Variants in FAM13B observed in about 807,000 individuals in gnomAD.
The protein encoded by FAM13B is protein FAM13B.
FAM13B carries 60 observed loss-of-function variants against 117.3 expected under a neutral mutation model. The ratio of observed to expected loss-of-function variants is 0.51; its 90% CI spans 0.42 to 0.63. The LOEUF (loss-of-function observed/expected upper bound fraction) is 0.63, where lower values mean the gene tolerates loss of function less well. FAM13B is among the 30% of genes least tolerant of loss of function. FAM13B has a pLI of 0.00. For synonymous variants in FAM13B, 332 were observed against 356.1 expected, an observed-to-expected ratio of 0.93 and a Z score of 0.76; for missense variants, 972 against 1,091.9, an observed-to-expected ratio of 0.89 and a Z score of 1.55.
intron 6 of FAM13B, among the ~76,000 whole-genome samples, chr5:138,009,271 A>G (rs747682369): frequency 1.3e-5 from 2 of 152,228 alleles, no homozygotes; most frequent in Non-Finnish European, 2.9e-5. Flanking sequence ...CATCATGTAT[A>G]ATGCTAATGA....
At chr5:137,942,781 C>CATTTAATA in intron 22 of FAM13B, 94 bp downstream of exon 22, 2 of 1,032,682 alleles carry the variant, frequency 1.9e-6, no homozygotes, top group South Asian at 3.8e-5. Flanking sequence ...TGATTCATCT[C>CATTTAATA]CTATTAATTC....
At chr5:138,025,659 C>T (rs973146608) in intron 1 of FAM13B, among the ~76,000 whole-genome samples, 1 of 151,872 alleles carries the variant, frequency 6.6e-6, no homozygotes, top group African/African-American at 2.4e-5. Flanking sequence ...CCTTTTTCCC[C>T]CCATGGGCTG....
At chr5:137,975,882 A>G (rs1194182399) in intron 10 of FAM13B, among the ~76,000 whole-genome samples, 1 of 148,996 alleles carries the variant, frequency 6.7e-6, no homozygotes, top group Non-Finnish European at 1.5e-5. Context: ...TCCTACTGAC[A>G]TGCTCAAATC....
chr5:138,038,175 T>C (rs748499437), intron 1 of FAM13B, among the ~76,000 whole-genome samples: 9 of 152,126 alleles, frequency 5.9e-5, no homozygotes, highest in Non-Finnish European at 1.2e-4. Context: ...GTCTATCTAT[T>C]TGTAAATGAA....
rs554401074 is a variant in FAM13B, at chr5:138,049,794, A to G, written c.-203+2084T>C. ...CAAGAAAGCTTCCAAAACCTAAAGA[A>G]AAATTTCATTATTAGGGATCCAGAA... is the stretch of plus-strand genomic sequence containing the variant. On this transcript the variant is annotated intron_variant, in intron 1 of 3. Transcript: ENST00000502471. Among the ~76,000 whole-genome samples, 6 of 152,280 alleles carry G rather than the reference A, an allele frequency of 3.9e-5. No homozygotes were observed. The East Asian group carries it at 9.6e-4, about 24-fold the overall frequency.
chr5:137,959,748 T>C lies in FAM13B; in HGVS notation c.1309A>G (p.Ile437Val). The change falls in exon 13 of 24, where the codon ATA (isoleucine) becomes GTA (valine). Residue 437 changes from isoleucine (I) to valine (V), a missense_variant. Ile to Val is a conservative substitution (Grantham distance 29). Transcript: ENST00000689681. ...TCAGTGTTGGCATTCAAATCACATATCTTGCTACTAGAATCCTGTATTTTA... is the reference window on the plus strand; with the variant it reads ...TCAGTGTTGGCATTCAAATCACATACCTTGCTACTAGAATCCTGTATTTTA... ...SHLILDSSSK[I>V]CDLNANTESE... is the part of the protein sequence containing the mutation. 1.2e-6 allele frequency: 2 copies of C among 1,613,668 alleles called. No individual in the cohort carries two copies. The highest frequency in any genetic ancestry group is 8.5e-7 in the Non-Finnish European group (1 of 1,179,760).
At chr5:138,006,948 T>C (rs1487388201) in intron 7 of FAM13B, 42 bp downstream of exon 7, 1 of 1,548,676 alleles carries the variant, frequency 6.5e-7, no homozygotes, top group Non-Finnish European at 8.7e-7. Flanking sequence ...ACACTTAGAA[T>C]GAAATACTCA....
intron 1 of FAM13B, among the ~76,000 whole-genome samples, chr5:138,022,415 C>T (rs924870083): frequency 3.3e-5 from 5 of 152,124 alleles, no homozygotes; most frequent in East Asian, 1.9e-4. Context: ...GCCCAAGAAG[C>T]TTCAGGTAAG....
chr5:137,988,549 A>C (rs151233095), intron 7 of FAM13B, among the ~76,000 whole-genome samples: 21 of 152,340 alleles, frequency 1.4e-4, no homozygotes, highest in Admixed American at 2.6e-4. Flanking sequence ...CAAGACCAAA[A>C]ATTTTAAAGT....
At chr5:138,016,355 C>A (rs1474692026) in intron 4 of FAM13B, among the ~76,000 whole-genome samples, 1 of 152,084 alleles carries the variant, frequency 6.6e-6, no homozygotes, top group African/African-American at 2.4e-5. Context: ...TCCTATAATC[C>A]CAGTGCTTTG....
intron 10 of FAM13B, among the ~76,000 whole-genome samples, chr5:137,981,669 C>G (rs1775792540): frequency 6.6e-6 from 1 of 151,934 alleles, no homozygotes; most frequent in Non-Finnish European, 1.5e-5. Context: ...GCCTGTAATC[C>G]CAGCTACCTG....
chr5:138,024,143 C>G (rs572184265), intron 1 of FAM13B, among the ~76,000 whole-genome samples: 1 of 152,150 alleles, frequency 6.6e-6, no homozygotes, highest in South Asian at 2.1e-4. Context: ...AGTGTCCCCC[C>G]CAAACCTCAT....
intron 1 of FAM13B, among the ~76,000 whole-genome samples, chr5:138,042,358 A>C (rs1009807137): frequency 1.3e-5 from 2 of 152,300 alleles, no homozygotes; most frequent in South Asian, 2.1e-4. Context: ...TGAGGAAGGA[A>C]GAAATCAATA....
chr5:138,022,349 T>C (rs1217052000), intron 1 of FAM13B, among the ~76,000 whole-genome samples: 1 of 152,218 alleles, frequency 6.6e-6, no homozygotes, highest in Non-Finnish European at 1.5e-5. Context: ...CTGTGAATTC[T>C]AGTCATCTAT....
chr5:138,032,604 C>A (rs995420864), intron 1 of FAM13B, among the ~76,000 whole-genome samples, 178 bp downstream of exon 1: 1 of 152,210 alleles, frequency 6.6e-6, no homozygotes, highest in Non-Finnish European at 1.5e-5. Context: ...CTTTCTCCAG[C>A]GGAAAGGGGG....
intron 7 of FAM13B, among the ~76,000 whole-genome samples, chr5:138,003,683 G>A (rs1781825954): frequency 6.6e-6 from 1 of 152,066 alleles, no homozygotes; most frequent in African/African-American, 2.4e-5. Context: ...GTTCCACGCT[G>A]GCCATGGGAA....
intron 5 of FAM13B, 139 bp downstream of exon 5, chr5:138,011,629 A>G: frequency 1.8e-6 from 1 of 562,962 alleles, no homozygotes; most frequent in Non-Finnish European, 3.1e-6. Context: ...CGTGTTAGCC[A>G]GGATGGTCTC....
At chr5:138,034,032 G>A (rs1790815222), upstream of FAM13B, 1 of 152,362 alleles carries the variant, frequency 6.6e-6, no homozygotes, top group East Asian at 1.9e-4. Context: ...GGGCTACAGA[G>A]GCCACAGTGT....
At chr5:137,978,536 C>T (rs1216578878) in intron 10 of FAM13B, among the ~76,000 whole-genome samples, 1 of 152,018 alleles carries the variant, frequency 6.6e-6, no homozygotes, top group African/African-American at 2.4e-5. Context: ...AGACTTTTAA[C>T]CACCCTAGCA....
Sources: gnomAD v4.1 joint callset for allele counts (sites outside exome capture counted in the v4.1 genomes callset) on GRCh38, gnomAD v4.1.1 for gene constraint, MANE v1.5 for transcripts, NCBI Gene and HGNC (gene_info 2026-07-23, HGNC 2026-07-21) for gene names.